The following IFT140 variants were observed in gnomAD, a reference collection of about 807,000 sequenced individuals.
IFT140 encodes the protein intraflagellar transport protein 140 homolog.
IFT140 carries 133 observed loss-of-function variants against 164.6 expected under a neutral mutation model. That is an observed-to-expected ratio of 0.81 (90% CI 0.70 to 0.93). IFT140 has a LOEUF of 0.93. Among genes scored for constraint, IFT140 ranks in the 40% least tolerant of loss-of-function variants. The probability of loss-of-function intolerance (pLI) is 0.00; values close to 1 mark genes in which losing one functional copy is unlikely to be tolerated. For missense variants in IFT140, 2,045 were observed against 1,972.3 expected, an observed-to-expected ratio of 1.04 and a Z score of -0.70; for synonymous variants, 860 against 817.3, an observed-to-expected ratio of 1.05 and a Z score of -0.89.
intron 20 of IFT140, 24 bp downstream of exon 20, chr16:1,526,595 C>T: frequency 6.7e-7 from 1 of 1,501,946 alleles, no homozygotes; most frequent in Non-Finnish European, 8.8e-7. Flanking sequence ...CCTTCCCACC[C>T]ACCCCATGGC....
In IFT140 at chr16:1,523,557, C is replaced by T. The variant is rs780258083; in HGVS notation, c.3414G>A (p.Gln1138=). The T allele has an allele frequency of 3.5e-5, 56 of 1,613,314 alleles. No homozygotes were observed. Among genetic ancestry groups the T allele is most frequent in the Non-Finnish European group, 4.7e-5 (56 of 1,179,966 alleles). The part of the protein sequence containing the change: ...RCSDFFIEHS[Q]YERAVELLLA... ...GCAGCAGCTCTACCGCCCTCTCGTA[C>T]TGACTGTGCTCGATGAAGAAGTCGG... Residue 1138 remains glutamine, a synonymous_variant, in exon 26 of 31, where the codon CAG becomes CAA. Coordinates refer to ENST00000426508, the MANE Select transcript of IFT140 (RefSeq NM_014714.4).
chr16:1,593,376 G>A (rs1033719778), intron 4 of IFT140, among the ~76,000 whole-genome samples: 1 of 151,620 alleles, frequency 6.6e-6, no homozygotes, highest in African/African-American at 2.4e-5. Context: ...CAGTGGTGTG[G>A]TCTCGGCTCA....
chr16:1,536,877 C>A (rs1023786767), intron 19 of IFT140, among the ~76,000 whole-genome samples: 1 of 152,238 alleles, frequency 6.6e-6, no homozygotes, highest in Non-Finnish European at 1.5e-5. Flanking sequence ...GCACCCATGT[C>A]CCCAATCGGG....
At position 1,607,128 on chromosome 16, in the gene IFT140, G is replaced by C; in HGVS notation, c.139C>G (p.Leu47Val). The C allele has an allele frequency of 6.2e-7, 1 of 1,614,082 alleles. No homozygotes were observed. Among genetic ancestry groups the C allele is most frequent in the South Asian group, 1.1e-5 (1 of 91,062 alleles). ...TGCTTCTGAGCACTCACTTGCTCCA[G>C]GTAAATATCCACGCTGCCTGTTGAG... Reference protein sequence around the residue: ...TTSTGSVDIYLEQGECVPDTH... With the variant: ...TTSTGSVDIYVEQGECVPDTH... The change falls in exon 3 of 31, where the codon CTG (leucine) becomes GTG (valine). Residue 47 changes from leucine (L) to valine (V), a missense_variant. Transcript: ENST00000426508.
intron 30 of IFT140, among the ~76,000 whole-genome samples, chr16:1,515,378 A>G (rs1156635906): frequency 6.6e-6 from 1 of 152,174 alleles, no homozygotes; most frequent in Non-Finnish European, 1.5e-5. Context: ...CAGGGAAAAC[A>G]TTCAAGTGCT....
At chr16:1,566,120 A>T in intron 16 of IFT140, 41 bp downstream of exon 16, 3 of 1,602,328 alleles carry the variant, frequency 1.9e-6, no homozygotes, top group Non-Finnish European at 8.5e-7. Context: ...GTAACTGAAC[A>T]TCATTTTTTC....
chr16:1,609,788 TGAC>T (rs1468329776), intron 2 of IFT140, among the ~76,000 whole-genome samples: 1 of 152,242 alleles, frequency 6.6e-6, no homozygotes, highest in Admixed American at 6.5e-5. Flanking sequence ...GAGAGATGGC[TGAC>T]AATAAAATAG....
At chr16:1,566,075 G>A (rs538289556) in intron 16 of IFT140, 86 bp downstream of exon 16, 11 of 1,418,434 alleles carry the variant, frequency 7.8e-6, no homozygotes, top group South Asian at 2.4e-5. Flanking sequence ...TTGAAGGCGC[G>A]TTAACTTAGC....
intron 30 of IFT140, among the ~76,000 whole-genome samples, chr16:1,517,119 C>T (rs550328765): frequency 2.2e-4 from 33 of 152,054 alleles, no homozygotes; most frequent in Non-Finnish European, 4.0e-4. Flanking sequence ...GCCTGTAATC[C>T]CAGCACTTTG....
At chr16:1,534,555 C>G (rs148391234) in intron 19 of IFT140, 3 of 1,601,526 alleles carry the variant, frequency 1.9e-6, no homozygotes, top group East Asian at 4.5e-5. Flanking sequence ...CACCGTCAAA[C>G]GTAAGTCCAA....
intron 19 of IFT140, chr16:1,534,596 G>C: frequency 6.3e-7 from 1 of 1,595,664 alleles, no homozygotes; most frequent in Admixed American, 1.7e-5. Context: ...GCGTGGCCGA[G>C]GCTCGAGGGC....
intron 19 of IFT140, among the ~76,000 whole-genome samples, chr16:1,537,833 CCT>C (rs1285609691): frequency 6.6e-6 from 1 of 152,218 alleles, no homozygotes; most frequent in Non-Finnish European, 1.5e-5. Flanking sequence ...GAGCCCCACC[CCT>C]CTCTCCGGTG....
At chr16:1,571,861 C>T (rs1442444454) in intron 13 of IFT140, among the ~76,000 whole-genome samples, 1 of 152,126 alleles carries the variant, frequency 6.6e-6, no homozygotes, top group East Asian at 1.9e-4. Context: ...GAGTAAGTGC[C>T]ATGTAGGTAA....
intron 26 of IFT140, among the ~76,000 whole-genome samples, chr16:1,522,134 G>A (rs1649466295): frequency 6.6e-6 from 1 of 152,056 alleles, no homozygotes. Context: ...TGAGGAGGGT[G>A]GATCATGAGA....
chr16:1,541,062 G>A (rs1004481075), intron 19 of IFT140: 1 of 985,288 alleles, frequency 1.0e-6, no homozygotes, highest in Non-Finnish European at 1.2e-6. Context: ...GGTCCCTGAG[G>A]GCAACAAACG....
chr16:1,520,511 G>C (rs2040490409), intron 27 of IFT140, 91 bp downstream of exon 27: 3 of 1,406,934 alleles, frequency 2.1e-6, no homozygotes, highest in Non-Finnish European at 2.9e-6. Context: ...CTAGCTTGGG[G>C]TCATCACGAA....
At chr16:1,575,263 T>C (rs1293609277) in intron 13 of IFT140, among the ~76,000 whole-genome samples, 1 of 151,474 alleles carries the variant, frequency 6.6e-6, no homozygotes, top group Non-Finnish European at 1.5e-5. Flanking sequence ...TGGTCCCAGC[T>C]ACTTGGGAGG....
chr16:1,568,563 C>T (rs2033850325), intron 14 of IFT140, among the ~76,000 whole-genome samples: 1 of 152,172 alleles, frequency 6.6e-6, no homozygotes, highest in African/African-American at 2.4e-5. Flanking sequence ...TCGTCCCCTT[C>T]CTCTTGTTCA....
In IFT140 at chr16:1,564,088, C is replaced by T. The variant is rs780189760; in HGVS notation, c.1976G>A (p.Arg659Gln). Residue 659 changes from arginine to glutamine, a missense_variant, in exon 17 of 31, where the codon CGG becomes CAG. Coordinates refer to ENST00000426508, the MANE Select transcript of IFT140 (RefSeq NM_014714.4). The surrounding 1 kb of genome is among the most constrained non-coding windows in gnomAD (Gnocchi z 5.5). ...CTGCACGGCTTCGCATACAAACAGC[C>T]GGGGCTCACTCTGGTCCCAGAAGTG... ...VNHFWDQSEP[R>Q]LFVCEAVQET... The T allele has an allele frequency of 1.9e-5, 31 of 1,604,612 alleles. No individual in the cohort carries two copies. The South Asian group carries it at 2.4e-4, about 13-fold the overall frequency.
Sources: gnomAD v4.1 joint callset for allele counts (sites outside exome capture counted in the v4.1 genomes callset) on GRCh38, gnomAD v4.1.1 for gene constraint, Gnocchi (gnomAD v3.1) non-coding constraint, MANE v1.5 for transcripts, NCBI Gene and HGNC (gene_info 2026-07-23, HGNC 2026-07-21) for gene names.